KCNJ16: variants seen among roughly 807,000 people sequenced by gnomAD.
The protein encoded by KCNJ16 is inward rectifier potassium channel 16.
In KCNJ16, 15 loss-of-function variants were observed where a neutral mutation model predicts 18.5. The observed-to-expected ratio is 0.81, with a 90% CI of 0.54 to 1.25. KCNJ16 has a LOEUF of 1.25. Ranked by LOEUF, KCNJ16 falls within the 50% of genes most tolerant of loss-of-function variation. The pLI is 0.00. For missense variants in KCNJ16, 523 were observed against 525.7 expected (o/e 0.99, Z 0.05); for synonymous variants, 174 against 186.5 (o/e 0.93, Z 0.55).
intron 1 of KCNJ16, among the ~76,000 whole-genome samples, chr17:70,084,255 C>G (rs1355260492): frequency 2.0e-5 from 3 of 152,202 alleles, no homozygotes; most frequent in Non-Finnish European, 2.9e-5. Context: ...GACACGTAGT[C>G]TCAGTTAGTT....
chr17:70,105,886 C>T (rs1432593560), intron 2 of KCNJ16, among the ~76,000 whole-genome samples: 1 of 152,148 alleles, frequency 6.6e-6, no homozygotes, highest in African/African-American at 2.4e-5. Context: ...GATGCCTGGC[C>T]ATGGGTTTAG....
chr17:70,133,413 C>T lies in KCNJ16; in HGVS notation c.*69C>T, dbSNP rs567192484. The T allele has an allele frequency of 7.0e-4, 996 of 1,416,968 alleles. 3 individuals carry two copies. Among genetic ancestry groups the T allele is most frequent in the South Asian group, 4.6e-3 (341 of 73,888 alleles). 87.8% of individuals were successfully genotyped at this position (1,416,968 alleles called of 1,614,324 possible). A position where few individuals can be genotyped will look rare whatever the true frequency, so the allele number is the denominator to read the frequency against. On this transcript the variant is annotated 3_prime_UTR_variant, in exon 4 of 4. Coordinates refer to ENST00000392671, the MANE Select transcript of KCNJ16 (RefSeq NM_170741.4). ...TTTCAGCCAATCAAGTCGTTGTAAA[C>T]GTGGCTTTTTTGAAAGTGTTATGGC...
chr17:70,125,726 C>G (rs75652290), intron 2 of KCNJ16, among the ~76,000 whole-genome samples: 5,190 of 152,196 alleles, frequency 0.034, 213 homozygotes, highest in East Asian at 0.12. Context: ...GTCAAGAGAT[C>G]GAGACCATCC....
chr17:70,111,672 C>A (rs1176041280), intron 2 of KCNJ16, among the ~76,000 whole-genome samples: 1 of 151,982 alleles, frequency 6.6e-6, no homozygotes, highest in Non-Finnish European at 1.5e-5. Context: ...CCCATAATTC[C>A]CATGTGTGTG....
chr17:70,121,782 C>A (rs572000062), intron 2 of KCNJ16, among the ~76,000 whole-genome samples: 1 of 151,994 alleles, frequency 6.6e-6, no homozygotes, highest in South Asian at 2.1e-4. Flanking sequence ...GCTGCTTAGA[C>A]ATTTCTCTAC....
At chr17:70,108,045 A>C (rs990169151) in intron 2 of KCNJ16, among the ~76,000 whole-genome samples, 6 of 152,106 alleles carry the variant, frequency 3.9e-5, no homozygotes, top group Non-Finnish European at 8.8e-5. Flanking sequence ...TCCCTGTAAA[A>C]TTCATAAGCA....
intron 1 of KCNJ16, among the ~76,000 whole-genome samples, chr17:70,078,856 G>C (rs1199894703): frequency 6.6e-6 from 1 of 152,150 alleles, no homozygotes; most frequent in East Asian, 1.9e-4. Flanking sequence ...AGCCAAGTTT[G>C]AGGCAGGTTA....
At chr17:70,076,670 G>A (rs1380290634) in intron 1 of KCNJ16, among the ~76,000 whole-genome samples, 1 of 152,138 alleles carries the variant, frequency 6.6e-6, no homozygotes, top group Non-Finnish European at 1.5e-5. Context: ...CAGCATGAGA[G>A]AGAACAAGAG....
At chr17:70,122,786 A>T (rs2073696480) in intron 2 of KCNJ16, among the ~76,000 whole-genome samples, 1 of 152,138 alleles carries the variant, frequency 6.6e-6, no homozygotes, top group Non-Finnish European at 1.5e-5. Flanking sequence ...ATTCCCTTAA[A>T]TAACAGGAGT....
intron 1 of KCNJ16, among the ~76,000 whole-genome samples, chr17:70,079,004 C>T (rs1304224632): frequency 1.3e-5 from 2 of 152,074 alleles, no homozygotes; most frequent in Admixed American, 6.6e-5. Flanking sequence ...TTAAAATGGT[C>T]TTTTTTTCTA....
intron 2 of KCNJ16, among the ~76,000 whole-genome samples, chr17:70,129,320 C>T (rs2073976845): frequency 6.6e-6 from 1 of 152,150 alleles, no homozygotes. Context: ...AAATTCCAGT[C>T]AATCAACAAG....
rs1285956275 is a variant in KCNJ16, at chr17:70,134,829, A to G, written c.*1485A>G. The G allele has an allele frequency of 6.0e-6, 1 of 167,050 alleles. No individual in the cohort carries two copies. The highest frequency in any genetic ancestry group is 2.4e-5 in the African/African-American group (1 of 41,450). 10.3% of individuals were successfully genotyped at this position (167,050 alleles called of 1,614,324 possible). ...TTCTTTCTCTTCTCTCTCCATGAAA[A>G]TTAAAACACACAAGTGAATGAAGTA... On this transcript the variant is annotated 3_prime_UTR_variant, in exon 4 of 4. Coordinates refer to ENST00000392671, the MANE Select transcript of KCNJ16 (RefSeq NM_170741.4).
chr17:70,121,270 G>A (rs73382059), intron 2 of KCNJ16, among the ~76,000 whole-genome samples: 1,839 of 152,276 alleles, frequency 0.012, 40 homozygotes, highest in African/African-American at 0.041. Flanking sequence ...AATGTAATCA[G>A]CTACCAAAGT....
chr17:70,092,778 G>C (rs1350177133), intron 1 of KCNJ16, among the ~76,000 whole-genome samples: 2 of 152,146 alleles, frequency 1.3e-5, no homozygotes, highest in African/African-American at 4.8e-5. Flanking sequence ...AAGTCCAAAG[G>C]TCCAAAAACC....
chr17:70,114,246 G>A (rs934597538), intron 2 of KCNJ16, among the ~76,000 whole-genome samples: 4 of 152,068 alleles, frequency 2.6e-5, no homozygotes, highest in African/African-American at 9.7e-5. Context: ...GGAGTTTCTG[G>A]TCTACGAGTA....
intron 2 of KCNJ16, among the ~76,000 whole-genome samples, chr17:70,111,996 T>C (rs1204293827): frequency 6.6e-6 from 1 of 152,186 alleles, no homozygotes; most frequent in Non-Finnish European, 1.5e-5. Flanking sequence ...GTTGCTTTCA[T>C]ACAAAGAACA....
intron 1 of KCNJ16, among the ~76,000 whole-genome samples, chr17:70,083,651 A>C (rs1278672114): frequency 6.6e-6 from 1 of 152,032 alleles, no homozygotes; most frequent in African/African-American, 2.4e-5. Context: ...GCGTATATAC[A>C]CTCTATGATG....
intron 2 of KCNJ16, among the ~76,000 whole-genome samples, chr17:70,123,405 T>C (rs1046087232): frequency 6.6e-6 from 1 of 152,210 alleles, no homozygotes; most frequent in Non-Finnish European, 1.5e-5. Flanking sequence ...GAAACATTTT[T>C]GCTTCCTCTT....
In KCNJ16 at chr17:70,132,305, T is replaced by C; in HGVS notation, c.218T>C (p.Met73Thr). The change falls in exon 4 of 4, where the codon ATG (methionine) becomes ACG (threonine). Residue 73 changes from methionine to threonine, a missense_variant. Coordinates refer to ENST00000392671, the MANE Select transcript of KCNJ16 (RefSeq NM_170741.4). Reference protein sequence around the residue: ...TTLVDTKWRHMFVIFSLSYIL... With the variant: ...TTLVDTKWRHTFVIFSLSYIL... ...CTTGTGGACACCAAGTGGCGCCATA[T>C]GTTTGTGATATTTTCTTTATCTTAT... The C allele has an allele frequency of 6.2e-7, 1 of 1,614,240 alleles. No homozygotes were observed. The highest frequency in any genetic ancestry group is 1.1e-5 in the South Asian group (1 of 91,086).
Sources: allele counts gnomAD v4.1 joint callset (sites outside exome capture counted in the v4.1 genomes callset), GRCh38; gene constraint gnomAD v4.1.1; transcripts MANE v1.5; gene names NCBI Gene and HGNC (gene_info 2026-07-23, HGNC 2026-07-21).